TOPAZ1: variants seen among roughly 807,000 people sequenced by gnomAD.
TOPAZ1 encodes testis and ovary specific TOPAZ 1.
Under a neutral mutation model 172.2 loss-of-function variants are expected in TOPAZ1, and 66 were observed. That is an observed-to-expected ratio of 0.38 (90% CI 0.31 to 0.47). The LOEUF is 0.47. Among genes scored for constraint, TOPAZ1 ranks in the 20% least tolerant of loss-of-function variants. TOPAZ1 has a pLI of 0.99. For missense variants in TOPAZ1, 1,822 were observed against 1,972.4 expected (o/e 0.92, Z 1.44); for synonymous variants, 681 against 683.9 (o/e 1.00, Z 0.07).
chr3:44,328,472 T>C, intron 19 of TOPAZ1, 39 bp downstream of exon 19: 1 of 1,278,420 alleles, frequency 7.8e-7, no homozygotes, highest in South Asian at 1.5e-5. Context: ...TGAATGTAGA[T>C]CATGACTCCC....
chr3:44,335,601 A>G (rs1700715176), downstream of TOPAZ1, among the ~76,000 whole-genome samples: 2 of 152,152 alleles, frequency 1.3e-5, no homozygotes, highest in Non-Finnish European at 2.9e-5. Flanking sequence ...TCCAGCCTGA[A>G]CAATAGAGTG....
At chr3:44,259,422 G>A (rs550652437) in intron 4 of TOPAZ1, among the ~76,000 whole-genome samples, 1 of 152,268 alleles carries the variant, frequency 6.6e-6, no homozygotes, top group South Asian at 2.1e-4. Flanking sequence ...GTAGCGTACT[G>A]TTCTTTACCT....
chr3:44,324,783 A>G (rs1344867146), intron 18 of TOPAZ1, among the ~76,000 whole-genome samples: 1 of 152,204 alleles, frequency 6.6e-6, no homozygotes, highest in African/African-American at 2.4e-5. Flanking sequence ...TACCAGAAAG[A>G]AACCTCATAT....
At chr3:44,258,009 A>T (rs549681760) in intron 4 of TOPAZ1, among the ~76,000 whole-genome samples, 1 of 152,184 alleles carries the variant, frequency 6.6e-6, no homozygotes, top group East Asian at 1.9e-4. Context: ...CTTTAGTTTT[A>T]CTGATTTTTT....
intron 2 of TOPAZ1, among the ~76,000 whole-genome samples, chr3:44,250,535 A>G (rs1699618629): frequency 6.6e-6 from 1 of 152,154 alleles, no homozygotes. Flanking sequence ...CTATTTTTAT[A>G]CTTAAATCAA....
At chr3:44,282,179 G>T (rs752187672) in intron 9 of TOPAZ1, 148 bp downstream of exon 9, 11 of 565,526 alleles carry the variant, frequency 1.9e-5, no homozygotes, top group Non-Finnish European at 3.4e-5. Context: ...GAAAATAAAT[G>T]AGATATTTTG....
At chr3:44,328,125 T>G (rs1700623822) in intron 18 of TOPAZ1, 125 bp from the exon 19 acceptor site, 1 of 558,706 alleles carries the variant, frequency 1.8e-6, no homozygotes, top group Non-Finnish European at 3.0e-6. Flanking sequence ...TCATGTAATT[T>G]GTTAATCTAC....
rs1181824175 is a variant in TOPAZ1, at chr3:44,243,847, A to G, written c.1341A>G (p.Lys447=). 9 of 1,551,678 alleles carry G rather than the reference A, an allele frequency of 5.8e-6. No individual in the cohort carries two copies. Among genetic ancestry groups the G allele is most frequent in the Non-Finnish European group, 7.0e-6 (8 of 1,147,000 alleles). Residue 447 remains lysine, a synonymous_variant, in exon 2 of 20, where the codon AAA becomes AAG. Transcript: ENST00000309765. Reference sequence around the variant, plus strand: ...GCATGGCATCGAAAGAGGATTTTAAATCGATGAAAAGCTTCATAGGGAAAT... The same window carrying G: ...GCATGGCATCGAAAGAGGATTTTAAGTCGATGAAAAGCTTCATAGGGAAAT... ...YESMASKEDF[K]SMKSFIGKSP...
At chr3:44,302,303 G>A (rs939596112) in intron 12 of TOPAZ1, among the ~76,000 whole-genome samples, 9 of 152,038 alleles carry the variant, frequency 5.9e-5, no homozygotes, top group Admixed American at 1.3e-4. Flanking sequence ...CCAGCTTCTC[G>A]GGAGGCTGAG....
chr3:44,331,913 A>G lies in TOPAZ1; in HGVS notation c.4981A>G (p.Lys1661Glu), dbSNP rs988364777. ...FVKHMTVNVNKEQVYSLEHCS... is the reference protein window; with the variant it reads ...FVKHMTVNVNEEQVYSLEHCS... ...TAAACACATGACTGTCAATGTTAAT[A>G]AGGAACAGGTTTATAGTTTGGAACA... The change falls in exon 20 of 20, where the codon AAG becomes GAG. Residue 1661 changes from lysine to glutamate, a missense_variant. Coordinates refer to ENST00000309765, the MANE Select transcript of TOPAZ1 (RefSeq NM_001145030.2). 2 of 1,551,740 alleles carry G rather than the reference A, an allele frequency of 1.3e-6. No individual in the cohort carries two copies. The highest frequency in any genetic ancestry group is 3.9e-5 in the Admixed American group (2 of 51,008).
chr3:44,248,015 A>G (rs1699585734), intron 2 of TOPAZ1, among the ~76,000 whole-genome samples: 1 of 152,330 alleles, frequency 6.6e-6, no homozygotes, highest in African/African-American at 2.4e-5. Flanking sequence ...ATTTTTAAAG[A>G]GTTCACGATT....
chr3:44,306,247 A>G lies in TOPAZ1; in HGVS notation c.4040-79A>G, dbSNP rs1700335543. Reference sequence around the variant, plus strand: ...ACACCTGGTCTTTATGGTAGTATCAATAATTCTGTATTAGTTTGCCTCTTC... The same window carrying G: ...ACACCTGGTCTTTATGGTAGTATCAGTAATTCTGTATTAGTTTGCCTCTTC... On this transcript the variant is annotated intron_variant, in intron 14 of 19. Coordinates refer to ENST00000309765, the MANE Select transcript of TOPAZ1 (RefSeq NM_001145030.2). The G allele has an allele frequency of 3.3e-6, 3 of 918,034 alleles. No individual in the cohort carries two copies. In the East Asian group the frequency reaches 8.0e-5, roughly 24 times the overall value. The allele number at this position is 918,034 out of a possible 1,614,324, so 56.9% of individuals were successfully genotyped here.
intron 2 of TOPAZ1, among the ~76,000 whole-genome samples, chr3:44,253,002 T>C (rs1699652465): frequency 6.6e-6 from 1 of 152,132 alleles, no homozygotes; most frequent in Non-Finnish European, 1.5e-5. Flanking sequence ...AAAGGATAAG[T>C]AGGAATTAGC....
At chr3:44,261,795 T>C (rs6797417) in intron 4 of TOPAZ1, among the ~76,000 whole-genome samples, 53,238 of 152,064 alleles carry the variant, frequency 0.35, 10,178 homozygotes, top group African/African-American at 0.46. Flanking sequence ...GATCATGGAA[T>C]GTTTTTCCAT....
Position 44,245,254 on chromosome 3 carries a change from A to G in TOPAZ1, c.2748A>G (p.Glu916=). 2 of 1,539,492 alleles carry G rather than the reference A, an allele frequency of 1.3e-6. No individual in the cohort carries two copies. The highest frequency in any genetic ancestry group is 1.7e-6 in the Non-Finnish European group (2 of 1,143,034). ...SKYMETPVKK[E]PSDDLRELPV... ...ACATGGAAACTCCAGTAAAAAAAGA[A>G]CCAAGTGATGACTTAAGGTATGCAT... is the stretch of plus-strand genomic sequence containing the variant. The change falls in exon 2 of 20, where the codon GAA becomes GAG. Residue 916 remains glutamate, a synonymous_variant. Coordinates refer to ENST00000309765, the MANE Select transcript of TOPAZ1 (RefSeq NM_001145030.2).
intron 12 of TOPAZ1, among the ~76,000 whole-genome samples, chr3:44,300,419 C>A (rs1005732185): frequency 7.9e-6 from 1 of 126,976 alleles, no homozygotes. Context: ...CAGAGTGAGA[C>A]GTCTTAAAAA....
At chr3:44,292,400 C>T (rs1219685234) in intron 12 of TOPAZ1, among the ~76,000 whole-genome samples, 1 of 152,050 alleles carries the variant, frequency 6.6e-6, no homozygotes, top group Non-Finnish European at 1.5e-5. Context: ...TCATTCTTCC[C>T]CAGAGCGATA....
At chr3:44,299,202 T>C (rs1471240519) in intron 12 of TOPAZ1, among the ~76,000 whole-genome samples, 3 of 151,762 alleles carry the variant, frequency 2.0e-5, no homozygotes, top group African/African-American at 7.3e-5. Context: ...ATTACAGGCA[T>C]GAGCCACCGT....
chr3:44,243,884 T>C lies in TOPAZ1; in HGVS notation c.1378T>C (p.Tyr460His). 6.4e-7 allele frequency: 1 copy of C among 1,551,768 alleles called. No homozygotes were observed. The highest frequency in any genetic ancestry group is 8.7e-7 in the Non-Finnish European group (1 of 1,146,948). Residue 460 changes from tyrosine (Y) to histidine (H), a missense_variant, in exon 2 of 20, where the codon TAC becomes CAC. Physicochemically the swap from Tyr to His is moderately conservative, Grantham distance 83. This residue lies in a region of TOPAZ1 where 1,489 missense variants were observed against 1,490.8 expected (regional missense o/e 1.00). Transcript: ENST00000309765. The part of the protein sequence containing the change: ...KSFIGKSPNE[Y>H]HIERRSSRED... ...CTTCATAGGGAAATCACCTAATGAG[T>C]ACCATATTGAAAGGAGATCTTCACG...
Sources: gnomAD v4.1 joint callset for allele counts (sites outside exome capture counted in the v4.1 genomes callset) on GRCh38, gnomAD v4.1.1 for gene constraint, gnomAD v4.1.1 regional missense constraint, MANE v1.5 for transcripts, NCBI Gene and HGNC (gene_info 2026-07-23, HGNC 2026-07-21) for gene names.